The following NBPF20 variants were observed in gnomAD, a reference collection of about 807,000 sequenced individuals.
The protein encoded by NBPF20 is NBPF family member NBPF20.
In NBPF20, 90 loss-of-function variants were observed where a neutral mutation model predicts 68.1. That is an observed-to-expected ratio of 1.32 (90% confidence interval 1.11 to 1.58). The LOEUF (loss-of-function observed/expected upper bound fraction) is 1.58, where lower values mean the gene tolerates loss of function less well. Ranked by LOEUF, NBPF20 falls within the 40% of genes most tolerant of loss-of-function variation. The pLI is 0.00. For missense variants in NBPF20, 816 were observed against 601.2 expected (o/e 1.36, Z -3.74); for synonymous variants, 290 against 228.1 (o/e 1.27, Z -2.45).
upstream of NBPF20, among the ~76,000 whole-genome samples, chr1:145,410,009 C>T (rs587649126): frequency 2.0e-5 from 3 of 152,124 alleles, no homozygotes; most frequent in South Asian, 6.2e-4. Context: ...TGGAAACACA[C>T]ATACAGATCA....
At chr1:145,334,923 A>T (rs1661563609) in intron 83 of NBPF20, among the ~76,000 whole-genome samples, 1 of 128,274 alleles carries the variant, frequency 7.8e-6, no homozygotes, top group Admixed American at 7.8e-5. Flanking sequence ...GGACACTCTG[A>T]GTTAGTGCCC....
intron 2 of NBPF20, 35 bp downstream of exon 7, chr1:145,405,063 C>T (rs193249448): frequency 4.0e-5 from 64 of 1,612,774 alleles, no homozygotes; most frequent in Non-Finnish European, 5.0e-5. Context: ...GGACATCATT[C>T]ATCACTTTCA....
chr1:145,408,767 T>G (rs1376510964), upstream of NBPF20, among the ~76,000 whole-genome samples: 2 of 152,062 alleles, frequency 1.3e-5, no homozygotes, highest in African/African-American at 4.8e-5. Flanking sequence ...TTCTCACCAA[T>G]TGCTTTTAGG....
At chr1:145,291,530 T>G (rs782572762) in exon 138 of NBPF20, 1 of 1,611,898 alleles carries the variant, frequency 6.2e-7, no homozygotes, top group Non-Finnish European at 8.5e-7. Context: ...GGCTGTTTAT[T>G]GTGGGAATAT....
At chr1:145,394,190 A>C (rs1662097977) in intron 8 of NBPF20, among the ~76,000 whole-genome samples, 1 of 152,124 alleles carries the variant, frequency 6.6e-6, no homozygotes, top group Non-Finnish European at 1.5e-5. Context: ...GCTTCTGTAC[A>C]CAAATGAGAA....
intron 137 of NBPF20, among the ~76,000 whole-genome samples, chr1:145,292,064 T>A (rs61812482): frequency 6.8e-6 from 1 of 146,866 alleles, no homozygotes; most frequent in African/African-American, 2.7e-5. Context: ...TGAGTTAGTG[T>A]CCTCATGACA....
intron 113 of NBPF20, among the ~76,000 whole-genome samples, 182 bp from the exon 119 acceptor site, chr1:145,311,012 G>A (rs1439889867): frequency 1.2e-5 from 1 of 82,966 alleles, no homozygotes; most frequent in Non-Finnish European, 2.2e-5. Context: ...AAGAATGAAA[G>A]AGAAAGACAG....
chr1:145,404,216 C>T (rs1553666319), intron 2 of NBPF20, among the ~76,000 whole-genome samples: 2 of 146,892 alleles, frequency 1.4e-5, no homozygotes, highest in African/African-American at 5.1e-5. Context: ...TCGCTCTCAC[C>T]AAGCTACTCT....
intron 9 of NBPF20, 157 bp downstream of exon 14, chr1:145,393,727 C>T (rs1553662900): frequency 3.3e-6 from 5 of 1,505,022 alleles, no homozygotes; most frequent in East Asian, 4.5e-5. Context: ...GAAACCTAAA[C>T]ATGTACTCTA....
chr1:145,409,879 G>A (rs1385774795), upstream of NBPF20, among the ~76,000 whole-genome samples: 1 of 151,450 alleles, frequency 6.6e-6, no homozygotes, highest in African/African-American at 2.4e-5. Flanking sequence ...TTGGTCTGGT[G>A]ATAATTTCCA....
intron 9 of NBPF20, among the ~76,000 whole-genome samples, chr1:145,393,487 A>C (rs1485470470): frequency 6.6e-6 from 1 of 151,546 alleles, no homozygotes; most frequent in Non-Finnish European, 1.5e-5. Flanking sequence ...ACACACACAC[A>C]CACAGAGCGA....
chr1:145,392,725 G>T, intron 10 of NBPF20, among the ~76,000 whole-genome samples: 1 of 64,614 alleles, frequency 1.5e-5, no homozygotes, highest in Non-Finnish European at 2.6e-5. Flanking sequence ...ATGGTAGCGA[G>T]GATTTTAGAC....
intron 129 of NBPF20, among the ~76,000 whole-genome samples, 175 bp from the exon 135 acceptor site, chr1:145,298,309 G>A (rs1158441038): frequency 2.3e-5 from 3 of 132,096 alleles, no homozygotes; most frequent in Non-Finnish European, 4.6e-5. Flanking sequence ...AAATGGAAAA[G>A]AATGAAAGAG....
At chr1:145,400,911 A>G in intron 5 of NBPF20, 148 bp downstream of exon 10, 3 of 1,034,996 alleles carry the variant, frequency 2.9e-6, no homozygotes, top group South Asian at 1.3e-5. Flanking sequence ...CAGCTGCCGC[A>G]CCCTGTGTCT....
intron 137 of NBPF20, among the ~76,000 whole-genome samples, chr1:145,292,114 T>A (rs1359267352): frequency 4.0e-5 from 6 of 149,526 alleles, no homozygotes; most frequent in Non-Finnish European, 7.4e-5. Flanking sequence ...AGCTCAATAG[T>A]TTTCCATAAA....
chr1:145,408,483 T>C (rs1553668288), upstream of NBPF20, among the ~76,000 whole-genome samples: 1 of 152,086 alleles, frequency 6.6e-6, no homozygotes, highest in Non-Finnish European at 1.5e-5. Flanking sequence ...GATATATTTA[T>C]GAATACTTAC....
At chr1:145,334,887 G>A (rs1255049154) in intron 83 of NBPF20, among the ~76,000 whole-genome samples, 2 of 136,566 alleles carry the variant, frequency 1.5e-5, no homozygotes, top group African/African-American at 2.5e-5. Flanking sequence ...GAGTTGGCCG[G>A]GTGACACACT....
chr1:145,410,317 CTT>C (rs782521148), upstream of NBPF20, among the ~76,000 whole-genome samples: 21 of 142,262 alleles, frequency 1.5e-4, no homozygotes, highest in Admixed American at 2.1e-4. Flanking sequence ...CATGTATCTT[CTT>C]TTTTTTTTTT....
At chr1:145,398,559 C>T (rs1339460824) in intron 7 of NBPF20, among the ~76,000 whole-genome samples, 4 of 152,126 alleles carry the variant, frequency 2.6e-5, no homozygotes, top group Admixed American at 2.6e-4. Flanking sequence ...ATCAGAATCT[C>T]TGGGACACAT....
Sources: allele counts gnomAD v4.1 joint callset (sites outside exome capture counted in the v4.1 genomes callset), GRCh38; gene constraint gnomAD v4.1.1; transcripts MANE v1.5; gene names NCBI Gene and HGNC (gene_info 2026-07-23, HGNC 2026-07-21).